Variants in PIGN observed in about 807,000 individuals in gnomAD.
PIGN encodes phosphatidylinositol glycan anchor biosynthesis class N.
Under a neutral mutation model 125.4 loss-of-function variants are expected in PIGN, and 117 were observed. That is an observed-to-expected ratio of 0.93 (90% confidence interval 0.80 to 1.09). The LOEUF is 1.09. Among genes scored for constraint, PIGN ranks in the 50% least tolerant of loss-of-function variants. The pLI, the probability that PIGN is intolerant of heterozygous loss-of-function variation, is 0.00. For missense variants in PIGN, 1,075 were observed against 1,094.9 expected (o/e 0.98, Z 0.26); for synonymous variants, 392 against 377.8 (o/e 1.04, Z -0.44).
chr18:62,032,399 C>CGCAGCT (rs1245867309), intron 23 of PIGN, among the ~76,000 whole-genome samples: 1 of 152,210 alleles, frequency 6.6e-6, no homozygotes, highest in African/African-American at 2.4e-5. Flanking sequence ...CCATCTGGAA[C>CGCAGCT]GCAGCTGGCA....
At chr18:62,020,795 TAAAAA>T (rs58826066) in intron 23 of PIGN, among the ~76,000 whole-genome samples, 4 of 141,024 alleles carry the variant, frequency 2.8e-5, no homozygotes, top group Admixed American at 7.2e-5. Flanking sequence ...CTAAAAATAT[TAAAAA>T]AAAAAAAAAA....
At position 62,063,262 on chromosome 18, in the gene PIGN, TAGCCAAA is replaced by T. The variant is rs1568132044; in HGVS notation, c.2672+9404_2672+9410del. 2.2e-3 allele frequency among the ~76,000 whole-genome samples: 333 copies of T among 150,868 alleles called. 6 individuals carry two copies. Among genetic ancestry groups the T allele is most frequent in the African/African-American group, 7.6e-3 (312 of 41,182 alleles). On this transcript the variant is annotated intron_variant, in intron 30 of 30. Transcript: ENST00000640252. ...CCAAAATCTATGGTTTTATAGATTT[TAGCCAAA>T]ATCTATGGTTTTATAGATTTTAGCC...
At chr18:62,152,348 T>C (rs749811474) in intron 7 of PIGN, among the ~76,000 whole-genome samples, 2 of 152,082 alleles carry the variant, frequency 1.3e-5, no homozygotes, top group Non-Finnish European at 2.9e-5. Flanking sequence ...ATGTTTCTTA[T>C]TAGACTTTAA....
At chr18:62,096,668 C>T (rs1320500245) in intron 22 of PIGN, among the ~76,000 whole-genome samples, 3 of 130,748 alleles carry the variant, frequency 2.3e-5, no homozygotes, top group Admixed American at 1.6e-4. Flanking sequence ...TCTCCCAATG[C>T]TATCCCTTCC....
At position 62,145,335 on chromosome 18, in the gene PIGN, C is replaced by T. The variant is rs142744676; in HGVS notation, c.922+574G>A. 1.5e-3 allele frequency among the ~76,000 whole-genome samples: 233 copies of T among 152,252 alleles called. 2 individuals are homozygous for T. The highest frequency in any genetic ancestry group is 5.3e-3 in the African/African-American group (221 of 41,546). ...TGTGGCATGATGCTCTCCATTAGCA[C>T]TTACAAATATATAAGAAATCGCCCT... is the stretch of plus-strand genomic sequence containing the variant. On this transcript the variant is annotated intron_variant, in intron 10 of 30. Transcript: ENST00000640252.
intron 7 of PIGN, among the ~76,000 whole-genome samples, chr18:62,150,758 G>A (rs536936996): frequency 6.6e-6 from 1 of 152,206 alleles, no homozygotes; most frequent in African/African-American, 2.4e-5. Flanking sequence ...GGAGTGCAAT[G>A]GCGCAATCTC....
At chr18:62,038,649 T>C (rs1599378487), downstream of PIGN, among the ~76,000 whole-genome samples, 2 of 152,160 alleles carry the variant, frequency 1.3e-5, no homozygotes, top group South Asian at 4.1e-4. Flanking sequence ...AACATAATAA[T>C]TGGCTGGGCA....
intron 1 of PIGN, among the ~76,000 whole-genome samples, chr18:62,174,592 A>G (rs1457240365): frequency 6.6e-6 from 1 of 152,216 alleles, no homozygotes; most frequent in Non-Finnish European, 1.5e-5. Flanking sequence ...GAATGAGTAA[A>G]CAATTATAAA....
chr18:62,051,974 A>G (rs1183999804), intron 30 of PIGN: 1 of 152,226 alleles, frequency 6.6e-6, no homozygotes, highest in African/African-American at 2.4e-5. Flanking sequence ...GTAGTCATTC[A>G]GGAGCAGGTT....
rs2030476817 is a variant in PIGN, at chr18:62,043,864, C to G, written c.*1992G>C. 6.6e-6 allele frequency: 1 copy of G among 152,140 alleles called. No individual in the cohort carries two copies. Among genetic ancestry groups the G allele is most frequent in the African/African-American group, 2.4e-5 (1 of 41,432 alleles). The allele number at this position is 152,140 out of a possible 1,614,324, so 9.4% of individuals were successfully genotyped here. The stretch of plus-strand genomic sequence containing the variant: ...TCAGCAAATGTCCTAAGTCTTGATT[C>G]AGAAATCTATGGCATAGGTAGAATG... On this transcript the variant is annotated 3_prime_UTR_variant, in exon 31 of 31. Coordinates refer to ENST00000640252, the MANE Select transcript of PIGN (RefSeq NM_176787.5).
At chr18:62,030,890 T>G (rs560272351) in intron 23 of PIGN, among the ~76,000 whole-genome samples, 1 of 152,102 alleles carries the variant, frequency 6.6e-6, no homozygotes, top group African/African-American at 2.4e-5. Flanking sequence ...GGCTTGAGGA[T>G]GGTCCCAGCT....
intron 14 of PIGN, among the ~76,000 whole-genome samples, chr18:62,118,849 A>T (rs1012555410): frequency 2.0e-5 from 3 of 151,700 alleles, no homozygotes; most frequent in Admixed American, 1.3e-4. Flanking sequence ...AACTCAGGTA[A>T]AGAAAGAAAG....
At chr18:62,019,595 C>T (rs2144856404) in intron 23 of PIGN, among the ~76,000 whole-genome samples, 1 of 152,288 alleles carries the variant, frequency 6.6e-6, no homozygotes, top group Admixed American at 6.5e-5. Context: ...AGTGGGGAGG[C>T]AAAAGGTGGA....
chr18:62,093,492 A>T (rs17635629), intron 23 of PIGN, among the ~76,000 whole-genome samples: 25,919 of 152,060 alleles, frequency 0.17, 2,936 homozygotes, highest in Middle Eastern at 0.28. Flanking sequence ...TGAATAGGGC[A>T]GACAAGGCAT....
chr18:62,174,226 A>C (rs1014001997), intron 1 of PIGN: 6 of 152,204 alleles, frequency 3.9e-5, no homozygotes, highest in Non-Finnish European at 5.9e-5. Flanking sequence ...AAAAAAAAAA[A>C]AACTGATCAT....
chr18:62,139,876 C>A (rs550040550), intron 12 of PIGN, among the ~76,000 whole-genome samples: 2 of 152,284 alleles, frequency 1.3e-5, no homozygotes, highest in South Asian at 4.1e-4. Flanking sequence ...CTCCAGATAT[C>A]CTGGTTCCAG....
intron 23 of PIGN, among the ~76,000 whole-genome samples, chr18:62,027,491 C>T (rs1378259624): frequency 3.3e-5 from 5 of 152,124 alleles, no homozygotes; most frequent in Admixed American, 2.6e-4. Context: ...TCCAGAAAGG[C>T]GGGACAACGC....
rs1398845902 is a variant in PIGN at position 62,145,956 on chromosome 18, T to C, written c.875A>G (p.Tyr292Cys). 9.9e-6 allele frequency: 16 copies of C among 1,609,178 alleles called. No homozygotes were observed. Among genetic ancestry groups the C allele is most frequent in the African/African-American group, 1.3e-5 (1 of 74,940 alleles). Reference protein sequence around the residue: ...PLVTWGAGIKYPQRVSAQQFD... With the variant: ...PLVTWGAGIKCPQRVSAQQFD... The stretch of plus-strand genomic sequence containing the variant: ...TTGCTGAGCTGATACTCTTTGGGGA[T>C]ACTTGATTCCAGCTCCCCAAGTGAC... Residue 292 changes from tyrosine (Y) to cysteine (C), a missense_variant, in exon 10 of 31, where the codon TAT becomes TGT. By Grantham distance (194) the Tyr-to-Cys change is radical. Coordinates refer to ENST00000640252, the MANE Select transcript of PIGN (RefSeq NM_176787.5).
At chr18:62,019,975 G>A (rs983552479) in intron 23 of PIGN, among the ~76,000 whole-genome samples, 1 of 152,236 alleles carries the variant, frequency 6.6e-6, no homozygotes, top group Non-Finnish European at 1.5e-5. Context: ...GGATTATGGA[G>A]ACAGTCAGAA....
Sources: gnomAD v4.1 joint callset for allele counts (sites outside exome capture counted in the v4.1 genomes callset) on GRCh38, gnomAD v4.1.1 for gene constraint, MANE v1.5 for transcripts, NCBI Gene and HGNC (gene_info 2026-07-23, HGNC 2026-07-21) for gene names.